The following THSD4 variants were observed in gnomAD, a reference collection of about 807,000 sequenced individuals.
THSD4 encodes the protein thrombospondin type 1 domain containing 4, also known as thrombospondin type-1 domain-containing protein 4.
THSD4 carries 69 observed loss-of-function variants against 119.0 expected under a neutral mutation model. That is an observed-to-expected ratio of 0.58 (90% confidence interval 0.48 to 0.71). The LOEUF is 0.71. Ranked by LOEUF, THSD4 falls within the 30% of genes least tolerant of loss-of-function variation. The probability of loss-of-function intolerance (pLI) is 0.00; values close to 1 mark genes in which losing one functional copy is unlikely to be tolerated. For missense variants in THSD4, 1,393 were observed against 1,391.1 expected, an observed-to-expected ratio of 1.00 and a Z score of -0.02; for synonymous variants, 524 against 540.4, an observed-to-expected ratio of 0.97 and a Z score of 0.42.
intron 7 of THSD4, among the ~76,000 whole-genome samples, chr15:71,475,160 G>A (rs1300024627): frequency 6.6e-6 from 1 of 152,108 alleles, no homozygotes; most frequent in African/African-American, 2.4e-5. Context: ...ATCCCTTTAC[G>A]AAGCCAGCCT....
chr15:71,396,122 GCA>G (rs1403856467), intron 6 of THSD4, among the ~76,000 whole-genome samples: 5 of 151,942 alleles, frequency 3.3e-5, no homozygotes, highest in African/African-American at 9.7e-5. Flanking sequence ...GTGTGGATGT[GCA>G]CACACATATC....
intron 3 of THSD4, among the ~76,000 whole-genome samples, chr15:71,180,362 G>A (rs2043505021): frequency 6.6e-6 from 1 of 152,082 alleles, no homozygotes; most frequent in Non-Finnish European, 1.5e-5. Flanking sequence ...CTCCAAAGAA[G>A]ATATGCAAAT....
chr15:71,169,182 T>C (rs1217825786), intron 3 of THSD4, among the ~76,000 whole-genome samples: 1 of 152,200 alleles, frequency 6.6e-6, no homozygotes, highest in Non-Finnish European at 1.5e-5. Context: ...CTGATAAGCA[T>C]ATGAAAAGGT....
At chr15:71,138,049 C>A (rs1020585703) in intron 1 of THSD4, among the ~76,000 whole-genome samples, 1 of 152,162 alleles carries the variant, frequency 6.6e-6, no homozygotes, top group Non-Finnish European at 1.5e-5. Context: ...CCCTTCCTTT[C>A]CTGACACAAC....
At chr15:71,174,171 C>T (rs868589187) in intron 3 of THSD4, among the ~76,000 whole-genome samples, 17 of 152,272 alleles carry the variant, frequency 1.1e-4, no homozygotes, top group African/African-American at 3.1e-4. Context: ...GGAACAGCTC[C>T]GGTCTACAGC....
At chr15:71,502,160 C>T (rs2048121737) in intron 7 of THSD4, among the ~76,000 whole-genome samples, 2 of 152,164 alleles carry the variant, frequency 1.3e-5, no homozygotes, top group Admixed American at 6.5e-5. Flanking sequence ...GGATAAATAG[C>T]ATGGTGGTTA....
intron 6 of THSD4, among the ~76,000 whole-genome samples, chr15:71,355,035 G>T (rs1173974913): frequency 6.6e-6 from 1 of 152,156 alleles, no homozygotes; most frequent in Admixed American, 6.5e-5. Flanking sequence ...TTTTAACATG[G>T]AAGCATTACA....
chr15:71,282,016 C>T (rs2044658996), intron 6 of THSD4, among the ~76,000 whole-genome samples: 1 of 152,118 alleles, frequency 6.6e-6, no homozygotes, highest in Admixed American at 6.5e-5. Flanking sequence ...AGTAGTATCC[C>T]CCTCAAAGGT....
At position 71,154,244 on chromosome 15, in the gene THSD4, C is replaced by T. The variant is rs114470593; in HGVS notation, c.30-619C>T. ...GCACACCCTGCTGTCTCAGCCGGCTCCTATTTCCCCACCTCCTCTTTATTT... is the reference window on the plus strand; with the variant it reads ...GCACACCCTGCTGTCTCAGCCGGCTTCTATTTCCCCACCTCCTCTTTATTT... On this transcript the variant is annotated intron_variant, in intron 2 of 17. Coordinates refer to ENST00000261862, the MANE Select transcript of THSD4 (RefSeq NM_024817.3). Among the ~76,000 whole-genome samples the T allele has an allele frequency of 2.4e-3, 372 of 152,292 alleles. 4 individuals are homozygous for T. Among genetic ancestry groups the T allele is most frequent in the African/African-American group, 8.8e-3 (366 of 41,560 alleles).
chr15:71,580,406 GATATAT>G (rs902902699), intron 7 of THSD4, among the ~76,000 whole-genome samples: 2 of 152,030 alleles, frequency 1.3e-5, no homozygotes, highest in South Asian at 4.2e-4. Context: ...GTGATGTTTT[GATATAT>G]ATATACATTG....
At chr15:71,297,286 T>C (rs1324658214) in intron 6 of THSD4, among the ~76,000 whole-genome samples, 1 of 151,558 alleles carries the variant, frequency 6.6e-6, no homozygotes, top group Non-Finnish European at 1.5e-5. Flanking sequence ...TGCAGAAAAA[T>C]ATTTATTCAA....
intron 7 of THSD4, among the ~76,000 whole-genome samples, chr15:71,433,979 G>C (rs1026618288): frequency 1.2e-4 from 19 of 152,018 alleles, no homozygotes; most frequent in African/African-American, 3.9e-4. Flanking sequence ...AAACAAACAA[G>C]CATCAAAAAT....
At chr15:71,711,071 A>AT (rs2052502246) in intron 8 of THSD4, among the ~76,000 whole-genome samples, 1 of 116,774 alleles carries the variant, frequency 8.6e-6, no homozygotes, top group Non-Finnish European at 1.7e-5. Flanking sequence ...ATTGAAAGCA[A>AT]AATATATATA....
chr15:71,532,279 AGAGAGTGTGTGTGTGT>A (rs2048621308), intron 7 of THSD4, among the ~76,000 whole-genome samples: 1 of 119,916 alleles, frequency 8.3e-6, no homozygotes, highest in African/African-American at 3.3e-5. Context: ...AGAGAGAGAG[AGAGAGTGTGTGTGTGT>A]GTGTGTGTGT....
chr15:71,745,436 A>G (rs576297171), intron 12 of THSD4, among the ~76,000 whole-genome samples: 1 of 152,314 alleles, frequency 6.6e-6, no homozygotes, highest in South Asian at 2.1e-4. Flanking sequence ...TAGCAAGTCA[A>G]CCCACTTCTG....
At chr15:71,658,515 G>A (rs2051234798) in intron 7 of THSD4, among the ~76,000 whole-genome samples, 1 of 152,186 alleles carries the variant, frequency 6.6e-6, no homozygotes, top group Non-Finnish European at 1.5e-5. Flanking sequence ...ATGACAGTCA[G>A]AGGCATCTCC....
chr15:71,308,163 CAGGACAGTATTCCA>C (rs1247862842), intron 6 of THSD4, among the ~76,000 whole-genome samples: 1 of 152,204 alleles, frequency 6.6e-6, no homozygotes, highest in Non-Finnish European at 1.5e-5. Context: ...ACACTCTTAT[CAGGACAGTATTCCA>C]AGGACCCAGA....
chr15:71,675,137 G>A (rs2051614750), intron 8 of THSD4, among the ~76,000 whole-genome samples: 1 of 151,966 alleles, frequency 6.6e-6, no homozygotes, highest in African/African-American at 2.4e-5. Context: ...CCCCTAGATT[G>A]CTTATCTCTG....
upstream of THSD4, chr15:71,110,874 A>G (rs1277998150): frequency 6.5e-6 from 3 of 463,096 alleles, no homozygotes; most frequent in East Asian, 3.7e-5. Flanking sequence ...AAAGTGACTG[A>G]TCAGCCATGC....
Sources: gnomAD v4.1 joint callset for allele counts (sites outside exome capture counted in the v4.1 genomes callset) on GRCh38, gnomAD v4.1.1 for gene constraint, MANE v1.5 for transcripts, NCBI Gene and HGNC (gene_info 2026-07-23, HGNC 2026-07-21) for gene names.